The following EIF4E3 variants were observed in gnomAD, a reference collection of about 807,000 sequenced individuals.
The protein encoded by EIF4E3 is eukaryotic translation initiation factor 4E family member 3, also known as eukaryotic translation initiation factor 4E type 3.
EIF4E3 carries 26 observed loss-of-function variants against 31.7 expected under a neutral mutation model. The ratio of observed to expected loss-of-function variants is 0.82; its 90% CI spans 0.60 to 1.14. The LOEUF (loss-of-function observed/expected upper bound fraction) is 1.14. Among genes scored for constraint, EIF4E3 ranks in the 50% most tolerant of loss-of-function variants. The pLI is 0.00. For missense variants in EIF4E3, 304 were observed against 270.9 expected (o/e 1.12, Z -0.86); for synonymous variants, 128 against 107.7 (o/e 1.19, Z -1.17).
chr3:71,750,657 C>T (rs67109126), intron 1 of EIF4E3, among the ~76,000 whole-genome samples: 21,209 of 152,044 alleles, frequency 0.14, 1,760 homozygotes, highest in South Asian at 0.35. Context: ...TGGTGGCTCA[C>T]GCCTGTAATC....
At chr3:71,751,525 C>G (rs2049929128) in intron 1 of EIF4E3, among the ~76,000 whole-genome samples, 1 of 152,226 alleles carries the variant, frequency 6.6e-6, no homozygotes, top group Non-Finnish European at 1.5e-5. Flanking sequence ...AAGGCATTCC[C>G]TCCTCTGGGC....
the EIF4E3 span, among the ~76,000 whole-genome samples, chr3:71,665,715 T>C: frequency 3.9e-5 from 6 of 152,086 alleles, no homozygotes; most frequent in Non-Finnish European, 8.8e-5. Context: ...AAAACACCCC[T>C]CAGCAAATGT....
At chr3:71,664,903 T>C in the EIF4E3 span, among the ~76,000 whole-genome samples, 2 of 151,812 alleles carry the variant, frequency 1.3e-5, no homozygotes, top group Non-Finnish European at 2.9e-5. Context: ...ACAAAAAAAC[T>C]CGAAGACGTA....
At chr3:71,731,572 TG>T (rs2049706889) in intron 1 of EIF4E3, among the ~76,000 whole-genome samples, 2 of 152,226 alleles carry the variant, frequency 1.3e-5, no homozygotes. Flanking sequence ...CAGTGCCTAG[TG>T]CAGGGCCTGT....
At chr3:71,702,394 C>T (rs1008775076) in intron 2 of EIF4E3, among the ~76,000 whole-genome samples, 1 of 152,178 alleles carries the variant, frequency 6.6e-6, no homozygotes, top group Admixed American at 6.5e-5. Context: ...AACCAAAGTT[C>T]CTGCCGTCAT....
chr3:71,662,364 G>A, the EIF4E3 span, among the ~76,000 whole-genome samples: 1 of 152,170 alleles, frequency 6.6e-6, no homozygotes, highest in Non-Finnish European at 1.5e-5. Context: ...GCAAACCAGA[G>A]GTAACCAGCT....
intron 6 of EIF4E3, among the ~76,000 whole-genome samples, chr3:71,686,831 C>G (rs1198271161): frequency 6.6e-6 from 1 of 152,134 alleles, no homozygotes; most frequent in East Asian, 1.9e-4. Context: ...ACAGAACATT[C>G]AGAATTGGGA....
At position 71,684,456 on chromosome 3, in the gene EIF4E3, TTGTG is replaced by T. The variant is rs996952570; in HGVS notation, c.*222_*225del. The stretch of plus-strand genomic sequence containing the variant: ...TTTAGAAAGCCAAAAAAAAAGTTTT[TTGTG>T]TGTGTTTTTTTTAAAAAGCAAGTAA... On this transcript the variant is annotated 3_prime_UTR_variant, in exon 7 of 7. Transcript: ENST00000425534. The T allele has an allele frequency of 7.7e-6, 3 of 391,818 alleles. No individual in the cohort carries two copies. Among genetic ancestry groups the T allele is most frequent in the Non-Finnish European group, 1.3e-5 (3 of 222,500 alleles). 24.3% of individuals were successfully genotyped at this position (391,818 alleles called of 1,614,324 possible). A position where few individuals can be genotyped will look rare whatever the true frequency, so the allele number is the denominator to read the frequency against.
At chr3:71,659,974 T>C in the EIF4E3 span, among the ~76,000 whole-genome samples, 5 of 152,256 alleles carry the variant, frequency 3.3e-5, no homozygotes, top group South Asian at 4.1e-4. Context: ...ACCAACAGCA[T>C]GGGTGTTGCC....
chr3:71,721,741 C>T (rs570463616), intron 1 of EIF4E3, among the ~76,000 whole-genome samples: 4 of 152,260 alleles, frequency 2.6e-5, no homozygotes, highest in South Asian at 4.1e-4. Context: ...TCCACAGCAA[C>T]GTGGAACTGT....
At chr3:71,724,607 T>A (rs184092041) in intron 1 of EIF4E3, among the ~76,000 whole-genome samples, 2 of 152,292 alleles carry the variant, frequency 1.3e-5, no homozygotes, top group Admixed American at 1.3e-4. Flanking sequence ...ATAGCAGGTG[T>A]GTGGCTCCAC....
intron 5 of EIF4E3, among the ~76,000 whole-genome samples, chr3:71,691,195 G>C (rs868334909): frequency 6.6e-6 from 1 of 152,120 alleles, no homozygotes; most frequent in African/African-American, 2.4e-5. Context: ...TTATCAATAT[G>C]AGAAAATTTT....
intron 1 of EIF4E3, among the ~76,000 whole-genome samples, chr3:71,714,782 CTGTTTCTTAAAGTA>C (rs2049440138): frequency 6.6e-6 from 1 of 152,214 alleles, no homozygotes; most frequent in South Asian, 2.1e-4. Context: ...TCTACGGTTA[CTGTTTCTTAAAGTA>C]GCAGTGCAAG....
chr3:71,746,578 A>T (rs1210378772), intron 1 of EIF4E3, among the ~76,000 whole-genome samples: 1 of 152,202 alleles, frequency 6.6e-6, no homozygotes, highest in Non-Finnish European at 1.5e-5. Flanking sequence ...AGCCATAACT[A>T]GGAGTTCATG....
intron 4 of EIF4E3, among the ~76,000 whole-genome samples, chr3:71,695,353 G>A (rs189116412): frequency 2.0e-4 from 30 of 152,278 alleles, no homozygotes; most frequent in Middle Eastern, 6.8e-3. Flanking sequence ...GTGACCCAAC[G>A]CAGCCAAGTG....
At position 71,718,893 on chromosome 3, in the gene EIF4E3, G is replaced by A. The variant is rs570370539; in HGVS notation, c.176+6299C>T. The stretch of plus-strand genomic sequence containing the variant: ...CATTTAGAGTTTACAGATTCAGGAG[G>A]GCAAGTGTGGGAAAAAGACAAGAAA... On this transcript the variant is annotated intron_variant, in intron 1 of 6. Transcript: ENST00000425534. Among the ~76,000 whole-genome samples the A allele has an allele frequency of 3.9e-5, 6 of 152,268 alleles. No individual in the cohort carries two copies. The East Asian group carries it at 1.2e-3, about 29-fold the overall frequency.
At chr3:71,706,729 G>A (rs2049298475) in intron 2 of EIF4E3, among the ~76,000 whole-genome samples, 1 of 152,130 alleles carries the variant, frequency 6.6e-6, no homozygotes, top group Non-Finnish European at 1.5e-5. Context: ...AGGCTGGGGT[G>A]GGAGGATCTC....
intron 2 of EIF4E3, among the ~76,000 whole-genome samples, chr3:71,700,815 G>A (rs1005577558): frequency 1.3e-5 from 2 of 152,168 alleles, no homozygotes; most frequent in Non-Finnish European, 2.9e-5. Context: ...AAGATACACA[G>A]TGTTACGGAC....
chr3:71,748,740 T>C (rs1484612663), intron 1 of EIF4E3, among the ~76,000 whole-genome samples: 1 of 152,102 alleles, frequency 6.6e-6, no homozygotes, highest in African/African-American at 2.4e-5. Context: ...AATGACCATA[T>C]ACTAGGCAAT....
Sources: gnomAD v4.1 joint callset for allele counts (sites outside exome capture counted in the v4.1 genomes callset) on GRCh38, gnomAD v4.1.1 for gene constraint, MANE v1.5 for transcripts, NCBI Gene and HGNC (gene_info 2026-07-23, HGNC 2026-07-21) for gene names.